PRKN: variants seen among roughly 807,000 people sequenced by gnomAD.
PRKN encodes E3 ubiquitin-protein ligase parkin.
In PRKN, 56 loss-of-function variants were observed where a neutral mutation model predicts 59.5. That is an observed-to-expected ratio of 0.94 (90% CI 0.76 to 1.18). The LOEUF (loss-of-function observed/expected upper bound fraction) is 1.18, where lower values mean the gene tolerates loss of function less well. PRKN is among the 50% of genes most tolerant of loss of function. The probability of loss-of-function intolerance (pLI) is 0.00; values close to 1 mark genes in which losing one functional copy is unlikely to be tolerated. For missense variants in PRKN, 657 were observed against 596.4 expected, an observed-to-expected ratio of 1.10 and a Z score of -1.06; for synonymous variants, 250 against 222.1, an observed-to-expected ratio of 1.13 and a Z score of -1.12.
intron 2 of PRKN, among the ~76,000 whole-genome samples, chr6:162,390,439 T>C (rs1787121400): frequency 7.0e-6 from 1 of 142,736 alleles, no homozygotes; most frequent in African/African-American, 2.6e-5. Context: ...CTTATATATA[T>C]ATATATATTT....
At chr6:161,492,956 C>A (rs1777614166) in intron 9 of PRKN, among the ~76,000 whole-genome samples, 1 of 152,134 alleles carries the variant, frequency 6.6e-6, no homozygotes, top group East Asian at 1.9e-4. Context: ...ATATAGCAGG[C>A]TGTACAGACC....
chr6:162,310,619 T>C (rs1782459470), intron 2 of PRKN, among the ~76,000 whole-genome samples: 3 of 151,848 alleles, frequency 2.0e-5, no homozygotes, highest in South Asian at 4.1e-4. Context: ...CGGGGAGGGA[T>C]AGCATTAGGA....
intron 1 of PRKN, chr6:162,569,097 T>C (rs1780206092): frequency 3.0e-6 from 2 of 664,962 alleles, no homozygotes; most frequent in Non-Finnish European, 5.5e-6. Flanking sequence ...ATTGCTGAGG[T>C]CAAGGCGTAG....
rs564784741 is a variant in PRKN at position 161,694,229 on chromosome 6, T to G, written c.871+91543A>C. Among the ~76,000 whole-genome samples the G allele has an allele frequency of 3.1e-3, 476 of 152,244 alleles. 4 individuals carry two copies. The highest frequency in any genetic ancestry group is 4.1e-3 in the Non-Finnish European group (277 of 68,004). ...ACAGCACTGAATTAGAGATTGTTAATAGTAATAATAATAAGAAAAAAAGAT... is the reference window on the plus strand; with the variant it reads ...ACAGCACTGAATTAGAGATTGTTAAGAGTAATAATAATAAGAAAAAAAGAT... On this transcript the variant is annotated intron_variant, in intron 7 of 11. Coordinates refer to ENST00000366898, the MANE Select transcript of PRKN (RefSeq NM_004562.3).
chr6:162,678,401 C>A (rs1233046705), intron 1 of PRKN, among the ~76,000 whole-genome samples: 1 of 152,156 alleles, frequency 6.6e-6, no homozygotes, highest in African/African-American at 2.4e-5. Context: ...AGTGGTTTCT[C>A]CATTTTCCAT....
At chr6:162,563,810 T>G (rs1174534480) in intron 1 of PRKN, among the ~76,000 whole-genome samples, 3 of 152,074 alleles carry the variant, frequency 2.0e-5, no homozygotes, top group Non-Finnish European at 4.4e-5. Flanking sequence ...CAGATACATT[T>G]AACAAAGAGA....
intron 1 of PRKN, among the ~76,000 whole-genome samples, chr6:162,688,468 T>C (rs1343279712): frequency 6.6e-6 from 1 of 152,178 alleles, no homozygotes; most frequent in Non-Finnish European, 1.5e-5. Context: ...TAAAAATAGG[T>C]CAATTGTATT....
chr6:162,033,776 C>T (rs1458731031), intron 5 of PRKN, among the ~76,000 whole-genome samples: 1 of 152,138 alleles, frequency 6.6e-6, no homozygotes, highest in Non-Finnish European at 1.5e-5. Context: ...TGAAATTATG[C>T]TGTTCACTCA....
At chr6:162,116,212 G>C (rs1780666007) in intron 4 of PRKN, among the ~76,000 whole-genome samples, 1 of 152,076 alleles carries the variant, frequency 6.6e-6, no homozygotes, top group Admixed American at 6.6e-5. Context: ...CATTGCAAGG[G>C]GGTAAAATTT....
intron 6 of PRKN, among the ~76,000 whole-genome samples, chr6:161,834,580 A>ACACG (rs1384292557): frequency 1.3e-5 from 2 of 152,252 alleles, no homozygotes; most frequent in Non-Finnish European, 2.9e-5. Flanking sequence ...TACCTGGGGA[A>ACACG]CACGCTCATT....
intron 2 of PRKN, among the ~76,000 whole-genome samples, chr6:162,293,245 A>G (rs1383582759): frequency 2.6e-5 from 4 of 152,196 alleles, no homozygotes; most frequent in Admixed American, 2.0e-4. Context: ...GTGAGGCCCT[A>G]TGGGCTGATC....
intron 1 of PRKN, among the ~76,000 whole-genome samples, chr6:162,499,377 T>C (rs1793255829): frequency 6.6e-6 from 1 of 152,176 alleles, no homozygotes; most frequent in African/African-American, 2.4e-5. Context: ...GGCTTTCCTT[T>C]GTCATAGCAT....
intron 7 of PRKN, among the ~76,000 whole-genome samples, chr6:161,580,366 C>T (rs1275137803): frequency 2.0e-5 from 3 of 152,140 alleles, no homozygotes; most frequent in East Asian, 1.9e-4. Flanking sequence ...CCTTGGTATG[C>T]GGCTCAGGTG....
intron 2 of PRKN, among the ~76,000 whole-genome samples, chr6:162,318,197 C>T (rs114763380): frequency 6.6e-6 from 1 of 151,992 alleles, no homozygotes; most frequent in African/African-American, 2.4e-5. Context: ...TATTTCACTT[C>T]GAATATTTTC....
intron 2 of PRKN, among the ~76,000 whole-genome samples, chr6:162,372,389 T>C (rs1785814812): frequency 6.6e-6 from 1 of 152,136 alleles, no homozygotes; most frequent in African/African-American, 2.4e-5. Context: ...CTGTGCTCCA[T>C]TCACGGCGCT....
intron 1 of PRKN, among the ~76,000 whole-genome samples, chr6:162,672,341 A>G (rs1779355517): frequency 6.6e-6 from 1 of 152,162 alleles, no homozygotes; most frequent in Admixed American, 6.6e-5. Flanking sequence ...GATAAAATTA[A>G]TATCATTAAG....
chr6:161,751,578 G>A (rs1583104065), intron 7 of PRKN, among the ~76,000 whole-genome samples: 1 of 152,082 alleles, frequency 6.6e-6, no homozygotes, highest in Admixed American at 6.6e-5. Context: ...TAAAAATTAC[G>A]GCAGCATAAA....
intron 5 of PRKN, among the ~76,000 whole-genome samples, chr6:161,982,885 A>G (rs1284697174): frequency 2.2e-5 from 1 of 45,074 alleles, no homozygotes; most frequent in Non-Finnish European, 3.8e-5. Flanking sequence ...CAATGGCAAC[A>G]AAAGACAAAA....
chr6:162,624,569 G>C (rs974689062), intron 1 of PRKN: 1 of 152,186 alleles, frequency 6.6e-6, no homozygotes, highest in African/African-American at 2.4e-5. Flanking sequence ...ACAGCTTGAA[G>C]TATTTAAGCA....
Sources: allele counts gnomAD v4.1 joint callset (sites outside exome capture counted in the v4.1 genomes callset), GRCh38; gene constraint gnomAD v4.1.1; transcripts MANE v1.5; gene names NCBI Gene and HGNC (gene_info 2026-07-23, HGNC 2026-07-21).